Variants in PLK4 observed in about 807,000 individuals in gnomAD.
The protein encoded by PLK4 is serine/threonine-protein kinase PLK4.
Under a neutral mutation model 103.0 loss-of-function variants are expected in PLK4, and 51 were observed. The observed-to-expected ratio is 0.50, with a 90% CI of 0.40 to 0.63. The LOEUF is 0.63. Among genes scored for constraint, PLK4 ranks in the 20% least tolerant of loss-of-function variants. PLK4 has a pLI of 0.00. For synonymous variants in PLK4, 389 were observed against 376.8 expected (o/e 1.03, Z -0.38); for missense variants, 1,054 against 1,151.0 (o/e 0.92, Z 1.22).
In PLK4 at chr4:127,887,366, T is replaced by C. The variant is rs777513416; in HGVS notation, c.1359-30T>C. 8.6e-6 allele frequency: 11 copies of C among 1,277,782 alleles called. No homozygotes were observed. In the South Asian group the frequency reaches 1.4e-4, roughly 17 times the overall value. The allele number at this position is 1,277,782 out of a possible 1,614,324, so 79.2% of individuals were successfully genotyped here. A position where few individuals can be genotyped will look rare whatever the true frequency, so the allele number is the denominator to read the frequency against. On this transcript the variant is annotated intron_variant, in intron 5 of 15. Transcript: ENST00000270861. Reference sequence around the variant, plus strand: ...AAGTTACCTGATAATTTTTTATTAGTTTATGGGATTTTTTTGTTTGTTTGT... The same window carrying C: ...AAGTTACCTGATAATTTTTTATTAGCTTATGGGATTTTTTTGTTTGTTTGT...
chr4:127,891,120 G>C lies in PLK4; in HGVS notation c.1859G>C (p.Cys620Ser), dbSNP rs765377661. 2.5e-6 allele frequency: 4 copies of C among 1,588,308 alleles called. No homozygotes were observed. In the South Asian group the frequency reaches 3.4e-5, roughly 13 times the overall value. ...AGCATACTTGATTCAGAGGAGGTGT[G>C]TGTGGAGCTTGTAAAGGAGTATGCA... Reference protein sequence around the residue: ...VVSILDSEEVCVELVKEYASQ... With the variant: ...VVSILDSEEVSVELVKEYASQ... The change falls in exon 8 of 16, where the codon TGT (cysteine) becomes TCT (serine). Residue 620 changes from cysteine (C) to serine (S), a missense_variant. Cys to Ser is a moderately radical substitution (Grantham distance 112). Transcript: ENST00000270861.
intron 4 of PLK4, among the ~76,000 whole-genome samples, chr4:127,885,464 G>A (rs1735084175): frequency 7.9e-6 from 1 of 126,290 alleles, no homozygotes; most frequent in Admixed American, 1.0e-4. Flanking sequence ...GAGGGACACA[G>A]CAAGACTCCG....
In PLK4 at chr4:127,886,403, A is replaced by G; in HGVS notation, c.1033A>G (p.Thr345Ala). Residue 345 changes from threonine (T) to alanine (A), a missense_variant, in exon 5 of 16, where the codon ACT becomes GCT. Transcript: ENST00000270861. ...TTCAGGAGATGGAAACAGTTTTTAT[A>G]CTCAGTGGGGAAATCAAGAAACCAG... Reference protein sequence around the residue: ...SSSGDGNSFYTQWGNQETSNS... With the variant: ...SSSGDGNSFYAQWGNQETSNS... 6.2e-7 allele frequency: 1 copy of G among 1,613,978 alleles called. No individual in the cohort carries two copies. The highest frequency in any genetic ancestry group is 8.5e-7 in the Non-Finnish European group (1 of 1,179,828).
chr4:127,881,142 C>G lies in PLK4; in HGVS notation c.8C>G (p.Thr3Ser). ...AGGCCAGAGCCTGGAAATATGGCGA[C>G]CTGCATCGGGGAGAAGATCGAGGTG... MATCIGEKIEDFK... is the reference protein window; with the variant it reads MASCIGEKIEDFK... The change falls in exon 1 of 16, where the codon ACC (threonine) becomes AGC (serine). Residue 3 changes from threonine (T) to serine (S), a missense_variant. Around this residue, in one of 4 missense-constraint regions of PLK4, gnomAD observed 199 missense variants for 270.1 expected, o/e 0.74. Transcript: ENST00000270861. 1 of 1,614,016 alleles carries G rather than the reference C, an allele frequency of 6.2e-7. No individual in the cohort carries two copies. Among genetic ancestry groups the G allele is most frequent in the East Asian group, 2.2e-5 (1 of 44,880 alleles).
At chr4:127,894,289 C>G (rs949976581) in intron 13 of PLK4, among the ~76,000 whole-genome samples, 2 of 151,958 alleles carry the variant, frequency 1.3e-5, no homozygotes, top group Non-Finnish European at 2.9e-5. Flanking sequence ...TGCAGTGGCA[C>G]GATCTCGGCT....
intron 15 of PLK4, 62 bp downstream of exon 15, chr4:127,896,969 G>A: frequency 6.2e-6 from 5 of 810,394 alleles, no homozygotes; most frequent in Non-Finnish European, 6.4e-6. Flanking sequence ...TTCTCTATAT[G>A]TTGAAATGGA....
chr4:127,885,669 T>A (rs1206577098), intron 4 of PLK4, 39 bp from the exon 5 acceptor site: 2 of 1,489,422 alleles, frequency 1.3e-6, no homozygotes, highest in Non-Finnish European at 1.8e-6. Context: ...TCTTCCAGAG[T>A]TTCTAAATTG....
chr4:127,886,341 T>C lies in PLK4; in HGVS notation c.971T>C (p.Val324Ala). The C allele has an allele frequency of 6.2e-7, 1 of 1,613,742 alleles. No homozygotes were observed. Among genetic ancestry groups the C allele is most frequent in the Non-Finnish European group, 8.5e-7 (1 of 1,179,928 alleles). The stretch of plus-strand genomic sequence containing the variant: ...CAGCCACTCCCAAATAAAATGACTG[T>C]ATTTCCAAAGAATAAAAGTTCAACT... The part of the protein sequence containing the change: ...IGQPLPNKMT[V>A]FPKNKSSTDF... Residue 324 changes from valine to alanine, a missense_variant, in exon 5 of 16, where the codon GTA becomes GCA. Physicochemically the swap from Val to Ala is moderately conservative, Grantham distance 64 (BLOSUM62 0). Coordinates refer to ENST00000270861, the MANE Select transcript of PLK4 (RefSeq NM_014264.5).
In PLK4 at chr4:127,891,064, A is replaced by G. The variant is rs371661580; in HGVS notation, c.1831-28A>G. On this transcript the variant is annotated intron_variant, in intron 7 of 15. Transcript: ENST00000270861. ...TGTTCTAGTAAACAAAAGAATTATTACTGATTTTGGGTTTTTTTTTTTTTT... is the reference window on the plus strand; with the variant it reads ...TGTTCTAGTAAACAAAAGAATTATTGCTGATTTTGGGTTTTTTTTTTTTTT... 2,008 of 1,225,240 alleles carry G rather than the reference A, an allele frequency of 1.6e-3. 30 individuals carry two copies. Among genetic ancestry groups the G allele is most frequent in the South Asian group, 5.5e-3 (408 of 74,270 alleles). The allele number at this position is 1,225,240 out of a possible 1,614,324, so 75.9% of individuals were successfully genotyped here.
intron 13 of PLK4, among the ~76,000 whole-genome samples, 175 bp from the exon 14 acceptor site, chr4:127,894,778 G>A (rs1735499314): frequency 6.6e-6 from 1 of 152,038 alleles, no homozygotes; most frequent in Non-Finnish European, 1.5e-5. Context: ...CAGGAGGGTG[G>A]GGGGTTCTTT....
chr4:127,892,658 A>T, intron 10 of PLK4, 144 bp downstream of exon 10: 1 of 575,898 alleles, frequency 1.7e-6, no homozygotes, highest in Non-Finnish European at 3.0e-6. Context: ...AGCGGAGTAT[A>T]CATGTCAAAT....
chr4:127,887,451 C>G lies in PLK4; in HGVS notation c.1414C>G (p.Gln472Glu). ...TPFPFADPTPQTETVQQWFGN... is the reference protein window; with the variant it reads ...TPFPFADPTPETETVQQWFGN... ...TTTTCCATTTGCAGACCCGACACCT[C>G]AGACTGAAACCGTACAACAGTGGTT... is the stretch of plus-strand genomic sequence containing the variant. The change falls in exon 6 of 16, where the codon CAG becomes GAG. Residue 472 changes from glutamine (Q) to glutamate (E), a missense_variant. This residue lies in a region of PLK4 where 680 missense variants were observed against 660.3 expected (regional missense o/e 1.03). Transcript: ENST00000270861. 2 of 1,611,278 alleles carry G rather than the reference C, an allele frequency of 1.2e-6. No individual in the cohort carries two copies. The highest frequency in any genetic ancestry group is 1.7e-6 in the Non-Finnish European group (2 of 1,177,960).
At chr4:127,884,297 G>C (rs1418304727) in intron 4 of PLK4, among the ~76,000 whole-genome samples, 2 of 152,210 alleles carry the variant, frequency 1.3e-5, no homozygotes, top group Non-Finnish European at 2.9e-5. Context: ...GCTAACAGAA[G>C]TAGTTGCTGA....
chr4:127,893,692 T>G, intron 12 of PLK4, 42 bp from the exon 13 acceptor site: 1 of 1,589,910 alleles, frequency 6.3e-7, no homozygotes, highest in Non-Finnish European at 8.6e-7. Flanking sequence ...TTTCTGTAAA[T>G]TGAAAGCTTC....
At chr4:127,894,288 AC>A (rs1735478241) in intron 13 of PLK4, among the ~76,000 whole-genome samples, 1 of 151,780 alleles carries the variant, frequency 6.6e-6, no homozygotes, top group African/African-American at 2.4e-5. Context: ...GTGCAGTGGC[AC>A]GATCTCGGCT....
chr4:127,886,263 C>T lies in PLK4; in HGVS notation c.893C>T (p.Ser298Phe). 6.2e-7 allele frequency: 1 copy of T among 1,613,740 alleles called. No individual in the cohort carries two copies. Among genetic ancestry groups the T allele is most frequent in the Non-Finnish European group, 8.5e-7 (1 of 1,179,636 alleles). The stretch of plus-strand genomic sequence containing the variant: ...ATTTCTACTGCAATTACAGCTTCTT[C>T]CAGTACCAGTATAAGTGGTAGTTTA... ...ATISTAITAS[S>F]STSISGSLFD... Residue 298 changes from serine to phenylalanine, a missense_variant, in exon 5 of 16, where the codon TCC (serine) becomes TTC (phenylalanine). This residue lies in a region of PLK4 where 680 missense variants were observed against 660.3 expected (regional missense o/e 1.03). Coordinates refer to ENST00000270861, the MANE Select transcript of PLK4 (RefSeq NM_014264.5).
chr4:127,884,420 G>T (rs1735040798), intron 4 of PLK4, among the ~76,000 whole-genome samples: 2 of 152,236 alleles, frequency 1.3e-5, no homozygotes, highest in South Asian at 2.1e-4. Flanking sequence ...ATTGTTGGAA[G>T]TTTATTCCAA....
chr4:127,882,488 G>C (rs574016955), intron 2 of PLK4, among the ~76,000 whole-genome samples: 1 of 152,264 alleles, frequency 6.6e-6, no homozygotes, highest in Non-Finnish European at 1.5e-5. Flanking sequence ...TGCTGGGCAC[G>C]GTGGCTCACG....
chr4:127,895,179 A>G, intron 14 of PLK4, 86 bp downstream of exon 14: 1 of 883,072 alleles, frequency 1.1e-6, no homozygotes. Flanking sequence ...AAAAATACAA[A>G]TTATTGTAAT....
Sources: gnomAD v4.1 joint callset for allele counts (sites outside exome capture counted in the v4.1 genomes callset) on GRCh38, gnomAD v4.1.1 for gene constraint, gnomAD v4.1.1 regional missense constraint, MANE v1.5 for transcripts, NCBI Gene and HGNC (gene_info 2026-07-23, HGNC 2026-07-21) for gene names.